The following TTC39B variants were observed in gnomAD, a reference collection of about 807,000 sequenced individuals.
The protein encoded by TTC39B is tetratricopeptide repeat domain 39B, also known as tetratricopeptide repeat protein 39B.
Under a neutral mutation model 96.6 loss-of-function variants are expected in TTC39B, and 92 were observed. The observed-to-expected ratio is 0.95, with a 90% CI of 0.80 to 1.13. The LOEUF (loss-of-function observed/expected upper bound fraction) is 1.13. Among genes scored for constraint, TTC39B ranks in the 50% most tolerant of loss-of-function variants. The pLI is 0.00. For missense variants in TTC39B, 955 were observed against 809.3 expected, an observed-to-expected ratio of 1.18 and a Z score of -2.18; for synonymous variants, 367 against 299.4, an observed-to-expected ratio of 1.23 and a Z score of -2.33.
intron 8 of TTC39B, among the ~76,000 whole-genome samples, chr9:15,199,624 A>G (rs964584869): frequency 4.7e-5 from 7 of 150,176 alleles, no homozygotes; most frequent in African/African-American, 1.7e-4. Context: ...AGTCCCAGCT[A>G]CTCGGGAGGA....
chr9:15,299,681 C>T (rs957134938), intron 1 of TTC39B, among the ~76,000 whole-genome samples: 1 of 152,144 alleles, frequency 6.6e-6, no homozygotes, highest in Non-Finnish European at 1.5e-5. Context: ...GGAGACTCCG[C>T]CTGAGATGCT....
At chr9:15,199,206 A>G (rs1034246531) in intron 8 of TTC39B, among the ~76,000 whole-genome samples, 1 of 152,252 alleles carries the variant, frequency 6.6e-6, no homozygotes, top group Non-Finnish European at 1.5e-5. Context: ...TCTATTGCAG[A>G]AAGTTCTACT....
At chr9:15,215,190 G>A (rs916609163) in intron 3 of TTC39B, among the ~76,000 whole-genome samples, 1 of 152,200 alleles carries the variant, frequency 6.6e-6, no homozygotes, top group Non-Finnish European at 1.5e-5. Flanking sequence ...GTTTGTGGCT[G>A]TAGTGAGCCA....
intron 2 of TTC39B, among the ~76,000 whole-genome samples, chr9:15,233,935 C>A (rs375649586): frequency 6.6e-5 from 10 of 151,772 alleles, no homozygotes; most frequent in African/African-American, 9.7e-5. Context: ...CGCCGCCATC[C>A]CATCTAGGAA....
At chr9:15,298,029 T>C (rs1385960134) in intron 1 of TTC39B, among the ~76,000 whole-genome samples, 3 of 152,092 alleles carry the variant, frequency 2.0e-5, no homozygotes, top group African/African-American at 7.2e-5. Context: ...TCACCCAAAG[T>C]TTTGGGTACC....
intron 6 of TTC39B, among the ~76,000 whole-genome samples, chr9:15,205,105 C>T (rs933548986): frequency 2.0e-5 from 3 of 152,138 alleles, no homozygotes; most frequent in Non-Finnish European, 4.4e-5. Context: ...CTGGTTTCCT[C>T]ATTTATAAAG....
At chr9:15,218,168 CAAAA>C (rs764511443) in intron 3 of TTC39B, among the ~76,000 whole-genome samples, 2 of 58,580 alleles carry the variant, frequency 3.4e-5, no homozygotes, top group African/African-American at 1.3e-4. Context: ...GACTCTGTCT[CAAAA>C]AAAAAAAAAA....
intron 1 of TTC39B, 118 bp from the exon 2 acceptor site, chr9:15,268,066 G>C (rs1308091130): frequency 2.6e-6 from 2 of 774,796 alleles, no homozygotes; most frequent in South Asian, 3.6e-5. Context: ...GGAAGGTATA[G>C]CAGGCAGTAG....
intron 1 of TTC39B, among the ~76,000 whole-genome samples, chr9:15,277,363 G>C (rs1327022084): frequency 6.6e-6 from 1 of 152,184 alleles, no homozygotes; most frequent in Non-Finnish European, 1.5e-5. Flanking sequence ...GGGAGGCAGC[G>C]GTTGCAGTGA....
intron 2 of TTC39B, among the ~76,000 whole-genome samples, chr9:15,233,246 G>A (rs1423866812): frequency 6.6e-6 from 1 of 152,178 alleles, no homozygotes; most frequent in Non-Finnish European, 1.5e-5. Flanking sequence ...CATTCCCAAT[G>A]ATCCGCAGAT....
intron 16 of TTC39B, among the ~76,000 whole-genome samples, chr9:15,182,820 T>C (rs1161734846): frequency 6.6e-6 from 1 of 152,224 alleles, no homozygotes; most frequent in African/African-American, 2.4e-5. Context: ...AGAATATCAC[T>C]GGATATAAAC....
chr9:15,194,281 A>G (rs2131277736), intron 8 of TTC39B, among the ~76,000 whole-genome samples: 1 of 152,294 alleles, frequency 6.6e-6, no homozygotes, highest in South Asian at 2.1e-4. Flanking sequence ...ATTCTTTTTA[A>G]ATCTTTTAAT....
At chr9:15,228,374 G>A (rs540861237) in intron 2 of TTC39B, among the ~76,000 whole-genome samples, 5 of 152,324 alleles carry the variant, frequency 3.3e-5, no homozygotes, top group African/African-American at 1.2e-4. Context: ...TGAGACAGGA[G>A]AATTGCTTGA....
exon 20 of TTC39B, chr9:15,170,087 G>A (rs1817600066): frequency 1.5e-5 from 2 of 133,738 alleles, no homozygotes; most frequent in Admixed American, 7.5e-5. Flanking sequence ...AATTTTTAAT[G>A]TATTTTCCAC....
At chr9:15,206,976 A>G (rs1474268923) in intron 6 of TTC39B, among the ~76,000 whole-genome samples, 1 of 152,132 alleles carries the variant, frequency 6.6e-6, no homozygotes, top group African/African-American at 2.4e-5. Flanking sequence ...CATGACAGTG[A>G]GTGAGTTCTC....
At chr9:15,210,200 G>A (rs369311068) in intron 5 of TTC39B, 36 bp from the exon 6 acceptor site, 754 of 1,301,502 alleles carry the variant, frequency 5.8e-4, no homozygotes, top group Admixed American at 1.5e-3. Context: ...ATAGAAAATA[G>A]AAAAAAAAAA....
chr9:15,279,005 C>T (rs537636073), intron 1 of TTC39B, among the ~76,000 whole-genome samples: 1 of 152,324 alleles, frequency 6.6e-6, no homozygotes, highest in East Asian at 1.9e-4. Context: ...AATAACTTAT[C>T]CATAACTGAG....
At chr9:15,225,609 T>C (rs1475616382) in intron 3 of TTC39B, among the ~76,000 whole-genome samples, 1 of 152,210 alleles carries the variant, frequency 6.6e-6, no homozygotes, top group East Asian at 1.9e-4. Flanking sequence ...GGCAGTGTGA[T>C]TTATTATTTT....
chr9:15,188,005 G>A, exon 14 of TTC39B: 1 of 1,611,154 alleles, frequency 6.2e-7, no homozygotes, highest in Non-Finnish European at 8.5e-7. Flanking sequence ...AAGCAGATCT[G>A]AATAGTAATA....
Sources: allele counts gnomAD v4.1 joint callset (sites outside exome capture counted in the v4.1 genomes callset), GRCh38; gene constraint gnomAD v4.1.1; transcripts MANE v1.5; gene names NCBI Gene and HGNC (gene_info 2026-07-23, HGNC 2026-07-21).